SGCD: variants seen among roughly 807,000 people sequenced by gnomAD.
SGCD encodes the protein sarcoglycan delta.
A neutral mutation model predicts 36.6 loss-of-function variants in SGCD; 18 were observed. That is an observed-to-expected ratio of 0.49 (90% confidence interval 0.34 to 0.73). SGCD has a LOEUF of 0.73. Ranked by LOEUF, SGCD falls within the 30% of genes least tolerant of loss-of-function variation. SGCD has a pLI of 0.01. For missense variants in SGCD, 387 were observed against 346.7 expected (o/e 1.12, Z -0.92); for synonymous variants, 133 against 130.6 (o/e 1.02, Z -0.12).
chr5:156,487,812 AAAAAGAAAG>A (rs1755752188), intron 3 of SGCD, among the ~76,000 whole-genome samples: 1 of 138,072 alleles, frequency 7.2e-6, no homozygotes, highest in African/African-American at 2.8e-5. Flanking sequence ...AAAAAAAAAA[AAAAAGAAAG>A]AAAGAAAAAG....
At chr5:156,685,287 A>G (rs1039762291) in intron 7 of SGCD, among the ~76,000 whole-genome samples, 1 of 152,130 alleles carries the variant, frequency 6.6e-6, no homozygotes, top group Non-Finnish European at 1.5e-5. Flanking sequence ...GGCTTGTGTT[A>G]AGACAATGGA....
chr5:155,797,243 A>G, the SGCD span, among the ~76,000 whole-genome samples: 2 of 152,188 alleles, frequency 1.3e-5, no homozygotes, highest in Admixed American at 6.5e-5. Context: ...AATTTCACCA[A>G]TGATATTTTT....
chr5:155,838,206 G>A, the SGCD span, among the ~76,000 whole-genome samples: 2 of 152,034 alleles, frequency 1.3e-5, no homozygotes, highest in Non-Finnish European at 2.9e-5. Context: ...AGATTTTAAC[G>A]ATTATTTAAT....
At chr5:156,204,027 C>T (rs1441431553) in intron 3 of SGCD, among the ~76,000 whole-genome samples, 3 of 152,068 alleles carry the variant, frequency 2.0e-5, no homozygotes, top group Non-Finnish European at 4.4e-5. Flanking sequence ...ATTCCAGTGG[C>T]TTCCATATTG....
chr5:156,284,883 G>T (rs1255898516), intron 3 of SGCD, among the ~76,000 whole-genome samples: 1 of 152,156 alleles, frequency 6.6e-6, no homozygotes, highest in Non-Finnish European at 1.5e-5. Context: ...AAGTCAAATT[G>T]TCCCTGTTTG....
chr5:155,916,009 CAGAATTAA>C (rs1756727305), intron 1 of SGCD, among the ~76,000 whole-genome samples: 1 of 152,142 alleles, frequency 6.6e-6, no homozygotes, highest in Non-Finnish European at 1.5e-5. Flanking sequence ...AAATACTTTA[CAGAATTAA>C]TTATCTTCAC....
rs149006280 is a variant in SGCD, at chr5:155,985,803, G to A, written c.-282+115379G>A. ...TTGAGTGATAGCAGTTCACATTAAC[G>A]TACCCATTTCCTGAGGAACTGGTGG... On this transcript the variant is annotated intron_variant, in intron 1 of 9. Transcript: ENST00000517913. 2.8e-3 allele frequency among the ~76,000 whole-genome samples: 426 copies of A among 152,222 alleles called. 3 individuals are homozygous for A. Among genetic ancestry groups the A allele is most frequent in the African/African-American group, 9.0e-3 (372 of 41,528 alleles).
At chr5:156,580,702 G>A (rs1271360777) in intron 4 of SGCD, among the ~76,000 whole-genome samples, 1 of 152,102 alleles carries the variant, frequency 6.6e-6, no homozygotes, top group East Asian at 1.9e-4. Flanking sequence ...AGCTATTGAA[G>A]CTTGTGCATG....
intron 3 of SGCD, among the ~76,000 whole-genome samples, chr5:156,295,060 C>A (rs1466664904): frequency 6.6e-6 from 1 of 152,084 alleles, no homozygotes; most frequent in Non-Finnish European, 1.5e-5. Flanking sequence ...GCTATTAATT[C>A]TTTAAATGTT....
intron 1 of SGCD, among the ~76,000 whole-genome samples, chr5:155,943,684 T>A (rs1204216066): frequency 6.6e-6 from 1 of 152,138 alleles, no homozygotes; most frequent in Non-Finnish European, 1.5e-5. Flanking sequence ...CAAATAGTCA[T>A]CCAGTTCCTC....
intron 1 of SGCD, among the ~76,000 whole-genome samples, chr5:155,927,371 A>G (rs1231724753): frequency 6.6e-6 from 1 of 152,272 alleles, no homozygotes; most frequent in South Asian, 2.1e-4. Flanking sequence ...TAACTGGAAA[A>G]TATCTGTAGT....
intron 7 of SGCD, among the ~76,000 whole-genome samples, chr5:156,693,027 A>G (rs147544009): frequency 1.1e-4 from 16 of 152,328 alleles, no homozygotes; most frequent in South Asian, 2.1e-4. Context: ...AAACTGAGGC[A>G]CATGTACTAA....
intron 1 of SGCD, among the ~76,000 whole-genome samples, chr5:155,989,551 CCAAT>C (rs751986896): frequency 8.6e-5 from 13 of 152,032 alleles, no homozygotes; most frequent in Non-Finnish European, 1.6e-4. Context: ...AATCTCCTTT[CCAAT>C]CAAAGACTGT....
chr5:156,073,580 A>G (rs1197588338), intron 1 of SGCD, among the ~76,000 whole-genome samples: 1 of 152,160 alleles, frequency 6.6e-6, no homozygotes, highest in South Asian at 2.1e-4. Flanking sequence ...TAAAATAAAT[A>G]TGTCACACTA....
intron 4 of SGCD, among the ~76,000 whole-genome samples, chr5:156,586,215 A>G (rs1364174052): frequency 1.3e-5 from 2 of 152,146 alleles, no homozygotes; most frequent in African/African-American, 4.8e-5. Flanking sequence ...TTTGAAGGGT[A>G]CTGATAAGGT....
intron 1 of SGCD, among the ~76,000 whole-genome samples, chr5:156,092,244 T>C (rs1327175078): frequency 6.6e-6 from 1 of 152,226 alleles, no homozygotes; most frequent in Non-Finnish European, 1.5e-5. Context: ...TCTCTGGAGC[T>C]TTGATGGCCA....
exon 2 of SGCD, chr5:156,117,882 G>A (rs1187117930): frequency 6.6e-6 from 1 of 152,132 alleles, no homozygotes; most frequent in Admixed American, 6.6e-5. Context: ...TCACAGTGGT[G>A]TAATATTGTG....
chr5:156,601,839 A>G (rs1036763157), intron 6 of SGCD, among the ~76,000 whole-genome samples: 1 of 151,732 alleles, frequency 6.6e-6, no homozygotes. Flanking sequence ...GCCTGCCACC[A>G]CGCCCGGCTA....
chr5:155,855,916 A>G, the SGCD span, among the ~76,000 whole-genome samples: 1 of 152,196 alleles, frequency 6.6e-6, no homozygotes, highest in Non-Finnish European at 1.5e-5. Flanking sequence ...TTGTAACTGT[A>G]TTCCATATGT....
Sources: allele counts gnomAD v4.1 joint callset (sites outside exome capture counted in the v4.1 genomes callset), GRCh38; gene constraint gnomAD v4.1.1; transcripts MANE v1.5; gene names NCBI Gene and HGNC (gene_info 2026-07-23, HGNC 2026-07-21).